Variants in SLC36A1 observed in about 807,000 individuals in gnomAD.
SLC36A1 encodes the protein proton-coupled amino acid transporter 1.
In SLC36A1, 30 loss-of-function variants were observed where a neutral mutation model predicts 47.5. The observed-to-expected ratio is 0.63, with a 90% CI of 0.47 to 0.86. SLC36A1 has a LOEUF of 0.86. SLC36A1 is among the 40% of genes least tolerant of loss of function. The pLI, the probability that SLC36A1 is intolerant of heterozygous loss-of-function variation, is 0.00. For missense variants in SLC36A1, 517 were observed against 606.0 expected, an observed-to-expected ratio of 0.85 and a Z score of 1.54; for synonymous variants, 255 against 249.7, an observed-to-expected ratio of 1.02 and a Z score of -0.20.
chr5:151,541,205 G>A, the SLC36A1 span, among the ~76,000 whole-genome samples: 9 of 152,196 alleles, frequency 5.9e-5, no homozygotes, highest in African/African-American at 1.9e-4. Flanking sequence ...TTCTGTAGGA[G>A]CACTAGGGTT....
At chr5:151,508,106 A>T in the SLC36A1 span, among the ~76,000 whole-genome samples, 1,866 of 152,200 alleles carry the variant, frequency 0.012, 40 homozygotes, top group African/African-American at 0.042. Context: ...AAGCATGCGA[A>T]CTCTCAGGGT....
chr5:151,545,860 G>A, the SLC36A1 span: 3 of 1,614,086 alleles, frequency 1.9e-6, no homozygotes, highest in Admixed American at 1.7e-5. Flanking sequence ...TAAGAACATA[G>A]GAGCATTGTC....
the SLC36A1 span, chr5:151,545,250 G>A: frequency 1.2e-6 from 2 of 1,614,056 alleles, no homozygotes; most frequent in Non-Finnish European, 1.7e-6. Context: ...CAAGCACTTG[G>A]GTCAAAGAAA....
At chr5:151,529,371 C>T in the SLC36A1 span, 1 of 1,613,902 alleles carries the variant, frequency 6.2e-7, no homozygotes, top group South Asian at 1.1e-5. Flanking sequence ...AAAGTCCAGG[C>T]TTGCGTTGAC....
chr5:151,468,266 A>AAAAAAAAAAAAAAAATAT (rs55642458), intron 7 of SLC36A1, among the ~76,000 whole-genome samples: 1 of 63,830 alleles, frequency 1.6e-5, no homozygotes, highest in African/African-American at 8.8e-5. Context: ...AAAAAAAAAA[A>AAAAAAAAAAAAAAAATAT]ATATATATAT....
chr5:151,386,836 T>A, the SLC36A1 span, among the ~76,000 whole-genome samples: 16 of 152,232 alleles, frequency 1.1e-4, no homozygotes, highest in Non-Finnish European at 1.5e-5. Context: ...TGAGGCATGT[T>A]CAAATCCATT....
the SLC36A1 span, chr5:151,554,421 C>T: frequency 7.4e-6 from 12 of 1,614,206 alleles, no homozygotes; most frequent in South Asian, 1.1e-5. Context: ...ACACCTGTGA[C>T]CAGGTCGATA....
the SLC36A1 span, chr5:151,505,642 G>T: frequency 4.3e-6 from 7 of 1,614,028 alleles, no homozygotes; most frequent in Non-Finnish European, 5.9e-6. Context: ...GGCACCCGGG[G>T]CTGGCCCTGG....
chr5:151,404,197 G>T, the SLC36A1 span, among the ~76,000 whole-genome samples: 68 of 152,174 alleles, frequency 4.5e-4, no homozygotes, highest in African/African-American at 1.4e-3. Context: ...TACTGCTGTT[G>T]GTTTTAAGTC....
chr5:151,477,019 A>AC (rs1377683253), intron 9 of SLC36A1: 3 of 590,922 alleles, frequency 5.1e-6, no homozygotes, highest in Non-Finnish European at 9.5e-6. Context: ...GCTCAGAAGG[A>AC]CCGAGTATCT....
At chr5:151,392,752 C>G in the SLC36A1 span, among the ~76,000 whole-genome samples, 5 of 152,210 alleles carry the variant, frequency 3.3e-5, no homozygotes, top group African/African-American at 1.2e-4. Flanking sequence ...TTTGATTGCA[C>G]TGTGGTCTGA....
intron 1 of SLC36A1, among the ~76,000 whole-genome samples, chr5:151,441,662 G>A (rs1420772180): frequency 6.6e-6 from 1 of 152,134 alleles, no homozygotes; most frequent in Non-Finnish European, 1.5e-5. Context: ...TTGGAGAGGG[G>A]AGTGAATTTG....
chr5:151,366,729 C>T, the SLC36A1 span: 9 of 153,944 alleles, frequency 5.8e-5, no homozygotes, highest in Non-Finnish European at 1.0e-4. Flanking sequence ...AAAATCCGAG[C>T]ATGGCAGAAT....
chr5:151,545,956 G>A, the SLC36A1 span: 19 of 1,613,986 alleles, frequency 1.2e-5, no homozygotes, highest in East Asian at 6.7e-5. Context: ...CTGGTAAGAC[G>A]AGATTTTCTC....
the SLC36A1 span, chr5:151,527,846 G>A: frequency 1.9e-6 from 2 of 1,074,036 alleles, no homozygotes; most frequent in East Asian, 2.5e-5. Flanking sequence ...GTCCACAGAG[G>A]CCCCACAGAG....
the SLC36A1 span, chr5:151,521,472 G>T: frequency 6.2e-7 from 1 of 1,614,080 alleles, no homozygotes. Context: ...CCATCTCCTT[G>T]GCTGAGTGAG....
chr5:151,453,096 C>T (rs953962877), intron 1 of SLC36A1, among the ~76,000 whole-genome samples: 1 of 151,148 alleles, frequency 6.6e-6, no homozygotes, highest in Non-Finnish European at 1.5e-5. Flanking sequence ...CCCAGCTACT[C>T]GGGAGGCTAA....
chr5:151,505,477 C>G, the SLC36A1 span: 3 of 1,520,028 alleles, frequency 2.0e-6, no homozygotes, highest in Non-Finnish European at 1.8e-6. Flanking sequence ...CTCTCCCAGC[C>G]ACACTCAACT....
chr5:151,430,208 A>C, the SLC36A1 span, among the ~76,000 whole-genome samples: 2 of 146,838 alleles, frequency 1.4e-5, no homozygotes, highest in Non-Finnish European at 3.0e-5. Flanking sequence ...TCTGTTACCC[A>C]GGCTGGAGTG....
Sources: allele counts gnomAD v4.1 joint callset (sites outside exome capture counted in the v4.1 genomes callset), GRCh38; gene constraint gnomAD v4.1.1; transcripts MANE v1.5; gene names NCBI Gene and HGNC (gene_info 2026-07-23, HGNC 2026-07-21).